Variants in KANSL2 observed in about 807,000 individuals in gnomAD.
The protein encoded by KANSL2 is KAT8 regulatory NSL complex subunit 2.
In KANSL2, 34 loss-of-function variants were observed where a neutral mutation model predicts 55.6. That is an observed-to-expected ratio of 0.61 (90% CI 0.46 to 0.81). The LOEUF (loss-of-function observed/expected upper bound fraction) is 0.81. Ranked by LOEUF, KANSL2 falls within the 40% of genes least tolerant of loss-of-function variation. The probability of loss-of-function intolerance (pLI) is 0.00; values close to 1 mark genes in which losing one functional copy is unlikely to be tolerated. For missense variants in KANSL2, 502 were observed against 609.9 expected (o/e 0.82, Z 1.86); for synonymous variants, 209 against 214.3 (o/e 0.98, Z 0.22).
At position 48,660,534 on chromosome 12, in the gene KANSL2, G is replaced by T; in HGVS notation, c.1059C>A (p.Ser353Arg). 2 of 1,613,494 alleles carry T rather than the reference G, an allele frequency of 1.2e-6. No homozygotes were observed. The highest frequency in any genetic ancestry group is 1.7e-6 in the Non-Finnish European group (2 of 1,179,688). ...GTGGGCAGCAGGGATCCTCAGAGAG[G>T]CTTACAGGAACAGGTTTGTTGCAGG... ...EVPCNKPVPV[S>R]LSEDPCCPLH... Residue 353 changes from serine to arginine, a missense_variant, in exon 8 of 10, where the codon AGC (serine) becomes AGA (arginine). Physicochemically the swap from Ser to Arg is moderately radical, Grantham distance 110. Transcript: ENST00000420613.
At position 48,671,063 on chromosome 12, in the gene KANSL2, G is replaced by A. The variant is rs7313457; in HGVS notation, c.709+736C>T. Among the ~76,000 whole-genome samples the A allele has an allele frequency of 2.8e-3, 428 of 152,178 alleles. 1 individual carries two copies. The highest frequency in any genetic ancestry group is 9.8e-3 in the African/African-American group (408 of 41,520). Reference sequence around the variant, plus strand: ...GGGATCACTTGAAGTCAGGAGTTCCGAGAGCAGCCTGGCCAACATGGCAAA... The same window carrying A: ...GGGATCACTTGAAGTCAGGAGTTCCAAGAGCAGCCTGGCCAACATGGCAAA... On this transcript the variant is annotated intron_variant, in intron 5 of 9. Coordinates refer to ENST00000420613, the MANE Select transcript of KANSL2 (RefSeq NM_017822.4).
chr12:48,664,909 CAG>C (rs1173524445), intron 7 of KANSL2, among the ~76,000 whole-genome samples: 1 of 101,636 alleles, frequency 9.8e-6, no homozygotes, highest in Non-Finnish European at 2.0e-5. Flanking sequence ...TTTTTAGAGA[CAG>C]GGTTTTCCTC....
chr12:48,676,173 C>T (rs1939817487), intron 4 of KANSL2, among the ~76,000 whole-genome samples: 2 of 152,096 alleles, frequency 1.3e-5, no homozygotes, highest in Non-Finnish European at 1.5e-5. Context: ...TGCAGTGGCA[C>T]GATCACAGAG....
Position 48,679,853 on chromosome 12 carries a change from A to G in KANSL2, c.252-20T>C, listed in dbSNP as rs1397849137. 3 of 1,555,356 alleles carry G rather than the reference A, an allele frequency of 1.9e-6. No homozygotes were observed. The highest frequency in any genetic ancestry group is 2.4e-5 in the East Asian group (1 of 42,478). ...GACACCCTGAAGAGACAAAACATTA[A>G]TATTTTATAAGTTCCTTCTTGAAAG... On this transcript the variant is annotated intron_variant, in intron 2 of 9. Coordinates refer to ENST00000420613, the MANE Select transcript of KANSL2 (RefSeq NM_017822.4).
intron 5 of KANSL2, among the ~76,000 whole-genome samples, chr12:48,670,653 T>C (rs1427325025): frequency 6.6e-6 from 1 of 152,124 alleles, no homozygotes; most frequent in Non-Finnish European, 1.5e-5. Context: ...AGTCCAGAAG[T>C]TTTTCTTAAA....
chr12:48,669,076 A>G (rs1939657933), intron 6 of KANSL2, 30 bp downstream of exon 6: 2 of 1,464,752 alleles, frequency 1.4e-6, no homozygotes, highest in Non-Finnish European at 1.8e-6. Context: ...AAGTGAACGT[A>G]TATACCTTAA....
chr12:48,676,223 C>T (rs1249205985), intron 4 of KANSL2, among the ~76,000 whole-genome samples: 1 of 152,186 alleles, frequency 6.6e-6, no homozygotes, highest in Non-Finnish European at 1.5e-5. Context: ...CTACTTGAGC[C>T]TCTCGAGTAG....
chr12:48,655,971 TA>T (rs1182870085), intron 8 of KANSL2, among the ~76,000 whole-genome samples: 6 of 152,138 alleles, frequency 3.9e-5, no homozygotes, highest in African/African-American at 1.2e-4. Context: ...TTACTACAAT[TA>T]AAAAAATATT....
intron 7 of KANSL2, chr12:48,662,471 T>C: frequency 1.8e-6 from 2 of 1,127,138 alleles, no homozygotes; most frequent in Non-Finnish European, 2.2e-6. Flanking sequence ...TACCACAATA[T>C]CCTAAAAAAG....
In KANSL2 at chr12:48,679,093, C is replaced by G. The variant is rs761173478; in HGVS notation, c.488G>C (p.Arg163Thr). ...ATCAGCTTCACTGTCAGGGTCACCT[C>G]TCCATGTCTGATCCACAGTAATGGG... is the stretch of plus-strand genomic sequence containing the variant. Reference protein sequence around the residue: ...QEPITVDQTWRGDPDSEADSI... With the variant: ...QEPITVDQTWTGDPDSEADSI... Residue 163 changes from arginine to threonine, a missense_variant, in exon 4 of 10, where the codon AGA becomes ACA. Transcript: ENST00000420613. 6.2e-7 allele frequency: 1 copy of G among 1,613,936 alleles called. No homozygotes were observed. The highest frequency in any genetic ancestry group is 1.1e-5 in the South Asian group (1 of 91,074).
intron 7 of KANSL2, chr12:48,662,750 T>C: frequency 1.3e-6 from 1 of 750,670 alleles, no homozygotes; most frequent in Non-Finnish European, 1.8e-6. Flanking sequence ...CCTTCTCTTT[T>C]CAAATACATT....
chr12:48,673,908 G>A (rs1314407729), intron 4 of KANSL2, among the ~76,000 whole-genome samples: 3 of 151,906 alleles, frequency 2.0e-5, no homozygotes, highest in South Asian at 2.1e-4. Context: ...CTGAGATGGC[G>A]CCACTGCACT....
chr12:48,663,499 G>C (rs1034657784), intron 7 of KANSL2, among the ~76,000 whole-genome samples: 2 of 152,092 alleles, frequency 1.3e-5, no homozygotes, highest in East Asian at 3.9e-4. Context: ...TGAACTGCAC[G>C]GGTCTACTTA....
At chr12:48,679,209 C>T in intron 3 of KANSL2, 59 bp from the exon 4 acceptor site, 1 of 1,056,676 alleles carries the variant, frequency 9.5e-7, no homozygotes, top group Non-Finnish European at 1.5e-6. Context: ...CTCCACCACA[C>T]AAAACTAGAT....
At chr12:48,676,482 A>AC (rs1282739301) in intron 4 of KANSL2, among the ~76,000 whole-genome samples, 1 of 151,896 alleles carries the variant, frequency 6.6e-6, no homozygotes, top group African/African-American at 2.4e-5. Context: ...ACATGGAGAA[A>AC]CCCCGTCTCT....
intron 4 of KANSL2, 67 bp downstream of exon 4, chr12:48,678,969 C>A (rs1939872692): frequency 4.5e-6 from 5 of 1,105,110 alleles, no homozygotes; most frequent in Non-Finnish European, 6.8e-6. Flanking sequence ...AATTTATTAA[C>A]AGCATGCAGC....
intron 3 of KANSL2, among the ~76,000 whole-genome samples, chr12:48,679,442 G>C (rs1243530030): frequency 6.6e-6 from 1 of 152,100 alleles, no homozygotes; most frequent in East Asian, 1.9e-4. Flanking sequence ...AAAAAGCAAT[G>C]AAAGAAATGG....
At chr12:48,679,596 A>G in intron 3 of KANSL2, 59 bp downstream of exon 3, 1 of 1,461,954 alleles carries the variant, frequency 6.8e-7, no homozygotes, top group Non-Finnish European at 9.4e-7. Context: ...GTGCTAACCC[A>G]AAATAGTTCC....
chr12:48,672,408 C>CGT (rs1491124962), intron 4 of KANSL2, among the ~76,000 whole-genome samples: 93 of 104,344 alleles, frequency 8.9e-4, no homozygotes, highest in South Asian at 7.2e-3. Context: ...TATATATATA[C>CGT]GTATATATAT....
Sources: gnomAD v4.1 joint callset for allele counts (sites outside exome capture counted in the v4.1 genomes callset) on GRCh38, gnomAD v4.1.1 for gene constraint, MANE v1.5 for transcripts, NCBI Gene and HGNC (gene_info 2026-07-23, HGNC 2026-07-21) for gene names.